The following SOX5 variants were observed in gnomAD, a reference collection of about 807,000 sequenced individuals.
SOX5 encodes transcription factor SOX-5.
SOX5 carries 9 observed loss-of-function variants against 92.0 expected under a neutral mutation model. The ratio of observed to expected loss-of-function variants is 0.10; its 90% confidence interval spans 0.06 to 0.17. The LOEUF (loss-of-function observed/expected upper bound fraction) is 0.17. Ranked by LOEUF, SOX5 falls within the 10% of genes least tolerant of loss-of-function variation. The probability of loss-of-function intolerance (pLI) is 1.00; values close to 1 mark genes in which losing one functional copy is unlikely to be tolerated. For missense variants in SOX5, 642 were observed against 944.5 expected (o/e 0.68, Z 4.20); for synonymous variants, 344 against 336.3 (o/e 1.02, Z -0.25).
At chr12:24,366,939 GA>G (rs1022535480) in intron 2 of SOX5, among the ~76,000 whole-genome samples, 9 of 149,078 alleles carry the variant, frequency 6.0e-5, no homozygotes, top group African/African-American at 9.9e-5. Context: ...AAGGAGAAAA[GA>G]AAAAAAAAGG....
intron 7 of SOX5, among the ~76,000 whole-genome samples, chr12:23,652,999 TATGG>T (rs34844724): frequency 1.3e-5 from 2 of 150,276 alleles, no homozygotes; most frequent in African/African-American, 4.9e-5. Context: ...GATGAATGAA[TATGG>T]ATGGATGGAT....
intron 9 of SOX5, among the ~76,000 whole-genome samples, chr12:23,601,077 C>G (rs1374165699): frequency 6.6e-6 from 1 of 152,040 alleles, no homozygotes; most frequent in Non-Finnish European, 1.5e-5. Context: ...GCTTGGAGGT[C>G]ACAGCCACTC....
intron 10 of SOX5, among the ~76,000 whole-genome samples, chr12:23,566,386 T>C (rs957859463): frequency 2.0e-5 from 3 of 152,192 alleles, no homozygotes; most frequent in Non-Finnish European, 2.9e-5. Context: ...TGGTCTCTAG[T>C]TGTCGAATAA....
intron 4 of SOX5, among the ~76,000 whole-genome samples, chr12:24,039,284 A>G (rs1956311102): frequency 6.6e-6 from 1 of 151,420 alleles, no homozygotes; most frequent in South Asian, 2.1e-4. Flanking sequence ...TCTAAGTAAG[A>G]TTGGCTATGA....
At chr12:24,077,562 G>C (rs1453182305) in intron 4 of SOX5, among the ~76,000 whole-genome samples, 1 of 151,726 alleles carries the variant, frequency 6.6e-6, no homozygotes, top group East Asian at 1.9e-4. Context: ...ATTGCAAGGA[G>C]TATCAGTGCC....
chr12:24,325,522 C>T (rs1488817215), intron 2 of SOX5, among the ~76,000 whole-genome samples: 1 of 152,098 alleles, frequency 6.6e-6, no homozygotes, highest in Non-Finnish European at 1.5e-5. Context: ...AAGGACGGGA[C>T]AACTGCCAAT....
At chr12:24,272,989 T>C (rs1020514000) in intron 3 of SOX5, among the ~76,000 whole-genome samples, 1 of 152,150 alleles carries the variant, frequency 6.6e-6, no homozygotes, top group Admixed American at 6.6e-5. Flanking sequence ...TCCCAGCACT[T>C]TGGGATGCCA....
chr12:23,766,540 T>C (rs2094732138), intron 3 of SOX5, among the ~76,000 whole-genome samples: 1 of 152,186 alleles, frequency 6.6e-6, no homozygotes, highest in African/African-American at 2.4e-5. Flanking sequence ...ATGAAAACAC[T>C]GACGGGTTAT....
chr12:23,737,574 G>C (rs2093649579), intron 5 of SOX5, among the ~76,000 whole-genome samples: 1 of 152,068 alleles, frequency 6.6e-6, no homozygotes, highest in Admixed American at 6.6e-5. Context: ...AGTCATGCTA[G>C]TCATCTTTTC....
chr12:23,556,138 T>C (rs1403972057), intron 11 of SOX5, among the ~76,000 whole-genome samples: 1 of 152,132 alleles, frequency 6.6e-6, no homozygotes, highest in African/African-American at 2.4e-5. Context: ...AAGTGTTCCC[T>C]AGCTAAGATA....
intron 1 of SOX5, among the ~76,000 whole-genome samples, chr12:24,482,101 A>G (rs1372914070): frequency 6.6e-6 from 1 of 152,194 alleles, no homozygotes; most frequent in East Asian, 1.9e-4. Flanking sequence ...CGCCTCGGTA[A>G]CCATCCTATG....
rs190153821 is a variant in SOX5 at position 24,381,127 on chromosome 12, C to T, written c.-250-12488G>A. Among the ~76,000 whole-genome samples the T allele has an allele frequency of 1.4e-3, 219 of 152,286 alleles. 3 individuals carry two copies. The South Asian group carries it at 0.031, about 21-fold the overall frequency. On this transcript the variant is annotated intron_variant, in intron 1 of 4. Coordinates refer to the SOX5 transcript ENST00000446891. ...TCTTTGGAAGTACGTAAAAGCACAG[C>T]CTGGCCATGACAAATGCCCAAAACG...
At chr12:24,475,848 A>G (rs778600131) in intron 1 of SOX5, among the ~76,000 whole-genome samples, 2 of 152,108 alleles carry the variant, frequency 1.3e-5, no homozygotes, top group South Asian at 2.1e-4. Context: ...CAGGCATGGT[A>G]GCATGTGCCT....
intron 4 of SOX5, among the ~76,000 whole-genome samples, chr12:24,209,775 T>C (rs1958392049): frequency 6.6e-6 from 1 of 151,844 alleles, no homozygotes; most frequent in African/African-American, 2.4e-5. Flanking sequence ...TCCCAGCACT[T>C]TGGGAGGCCG....
At chr12:23,789,314 G>A (rs80213031) in intron 3 of SOX5, among the ~76,000 whole-genome samples, 6 of 151,576 alleles carry the variant, frequency 4.0e-5, no homozygotes, top group Admixed American at 1.3e-4. Flanking sequence ...AATTCTGAGG[G>A]TAACAATGGT....
At chr12:24,171,225 G>T (rs78186941) in intron 4 of SOX5, among the ~76,000 whole-genome samples, 27,438 of 45,804 alleles carry the variant, frequency 0.6, 7,386 homozygotes, top group Non-Finnish European at 0.65. Flanking sequence ...TTGTTTGTTT[G>T]TTTGTTTTTT....
At chr12:23,535,319 C>T (rs1940108130) in intron 14 of SOX5, among the ~76,000 whole-genome samples, 1 of 152,180 alleles carries the variant, frequency 6.6e-6, no homozygotes, top group Admixed American at 6.5e-5. Context: ...TTCACACTGT[C>T]CACTGAGTCT....
At chr12:24,504,306 T>C (rs1390378904) in intron 1 of SOX5, among the ~76,000 whole-genome samples, 2 of 152,204 alleles carry the variant, frequency 1.3e-5, no homozygotes, top group Admixed American at 6.5e-5. Context: ...CTTCTAAATA[T>C]GAGCCCCAGT....
chr12:24,225,471 T>TTG (rs967643201), intron 3 of SOX5, among the ~76,000 whole-genome samples: 3 of 84,232 alleles, frequency 3.6e-5, no homozygotes, highest in African/African-American at 1.3e-4. Flanking sequence ...AATTAACAAT[T>TTG]ATCAGAGGTT....
Sources: allele counts gnomAD v4.1 joint callset (sites outside exome capture counted in the v4.1 genomes callset), GRCh38; gene constraint gnomAD v4.1.1; transcripts MANE v1.5; gene names NCBI Gene and HGNC (gene_info 2026-07-23, HGNC 2026-07-21).